Variants in DOCK4 observed in about 807,000 individuals in gnomAD.
DOCK4 encodes the protein dedicator of cytokinesis protein 4.
A neutral mutation model predicts 268.1 loss-of-function variants in DOCK4; 97 were observed. The observed-to-expected ratio is 0.36, with a 90% CI of 0.31 to 0.43. The LOEUF is 0.43. DOCK4 is among the 20% of genes least tolerant of loss of function. The pLI is 1.00. For missense variants in DOCK4, 2,145 were observed against 2,455.7 expected (o/e 0.87, Z 2.67); for synonymous variants, 954 against 887.2 (o/e 1.08, Z -1.34).
At chr7:112,132,529 G>A (rs1195559763) in intron 1 of DOCK4, among the ~76,000 whole-genome samples, 1 of 152,004 alleles carries the variant, frequency 6.6e-6, no homozygotes, top group Non-Finnish European at 1.5e-5. Flanking sequence ...TTGATGGCAT[G>A]CCTGCCCTGA....
Position 111,767,131 on chromosome 7 carries a change from G to T in DOCK4, c.3829-13C>A, listed in dbSNP as rs762552905. 3 of 1,605,726 alleles carry T rather than the reference G, an allele frequency of 1.9e-6. No individual in the cohort carries two copies. The South Asian group carries it at 3.3e-5, about 18-fold the overall frequency. ...CATTCTCCCAACACTGTGGACAAAT[G>T]AATGAGATCAATGGAACCATCTGAC... is the stretch of plus-strand genomic sequence containing the variant. On this transcript the variant is annotated splice_polypyrimidine_tract_variant and intron_variant, in intron 37 of 52. Transcript: ENST00000428084.
intron 17 of DOCK4, among the ~76,000 whole-genome samples, chr7:111,876,538 A>T (rs1165860486): frequency 6.6e-6 from 1 of 152,202 alleles, no homozygotes; most frequent in East Asian, 1.9e-4. Context: ...TACTTCCTTC[A>T]TTACAGAAGA....
At chr7:111,762,777 T>TTTTTTTTTTTTTTC (rs1797529979) in intron 39 of DOCK4, among the ~76,000 whole-genome samples, 2 of 131,470 alleles carry the variant, frequency 1.5e-5, no homozygotes, top group African/African-American at 5.6e-5. Flanking sequence ...TTTTTTTTTT[T>TTTTTTTTTTTTTTC]TTTTTTTTTG....
intron 1 of DOCK4, among the ~76,000 whole-genome samples, chr7:112,173,743 C>A (rs1335922405): frequency 6.6e-6 from 1 of 152,148 alleles, no homozygotes; most frequent in Non-Finnish European, 1.5e-5. Flanking sequence ...CAGGTGCTAG[C>A]CCAGCAAAAC....
At chr7:112,045,819 C>T (rs1804776831) in intron 1 of DOCK4, among the ~76,000 whole-genome samples, 1 of 152,144 alleles carries the variant, frequency 6.6e-6, no homozygotes, top group African/African-American at 2.4e-5. Context: ...TCATCAAAAG[C>T]AAAGCCATAG....
chr7:112,003,773 T>C (rs1800631668), intron 2 of DOCK4, among the ~76,000 whole-genome samples: 1 of 152,180 alleles, frequency 6.6e-6, no homozygotes, highest in African/African-American at 2.4e-5. Context: ...ACCTTCTAGT[T>C]TGGCACTGAG....
chr7:111,905,900 C>G (rs911853601), intron 13 of DOCK4, among the ~76,000 whole-genome samples: 16 of 152,240 alleles, frequency 1.1e-4, no homozygotes, highest in Admixed American at 7.2e-4. Flanking sequence ...GCAACAGCAG[C>G]AGCAGTACAC....
chr7:111,934,999 T>C (rs889625454), intron 12 of DOCK4, among the ~76,000 whole-genome samples: 3 of 151,546 alleles, frequency 2.0e-5, no homozygotes, highest in Admixed American at 6.6e-5. Flanking sequence ...CAGGCTGGAG[T>C]GCAATGGCAC....
chr7:111,767,213 C>G (rs1237242160), intron 37 of DOCK4, 95 bp from the exon 38 acceptor site: 2 of 940,176 alleles, frequency 2.1e-6, no homozygotes, highest in Non-Finnish European at 3.2e-6. Context: ...GAGCACCAAG[C>G]CTTACTCCTT....
intron 8 of DOCK4, among the ~76,000 whole-genome samples, chr7:111,950,618 C>T (rs1222197226): frequency 6.6e-6 from 1 of 152,102 alleles, no homozygotes; most frequent in Non-Finnish European, 1.5e-5. Flanking sequence ...AATAGAATAA[C>T]ACTCAAATAA....
In DOCK4 at chr7:111,983,835, T is replaced by TAC. The variant is rs1203628305; in HGVS notation, c.549+469_549+470dup. 9.1e-3 allele frequency among the ~76,000 whole-genome samples: 1,028 copies of TAC among 113,252 alleles called. 21 individuals carry two copies. Among genetic ancestry groups the TAC allele is most frequent in the African/African-American group, 0.035 (928 of 26,774 alleles). The allele number at this position is 113,252 out of a possible 152,430, so 74.3% of individuals were successfully genotyped here. A position where few individuals can be genotyped will look rare whatever the true frequency, so the allele number is the denominator to read the frequency against. ...GGTGTATATAGTGCTATTATGTATG[T>TAC]ACACACACACGCGCGCGCGCGCGCG... is the stretch of plus-strand genomic sequence containing the variant. On this transcript the variant is annotated intron_variant, in intron 7 of 52. Coordinates refer to ENST00000428084, the MANE Select transcript of DOCK4 (RefSeq NM_001363540.2).
chr7:111,849,638 C>T (rs1804391886), intron 23 of DOCK4, among the ~76,000 whole-genome samples: 1 of 152,104 alleles, frequency 6.6e-6, no homozygotes, highest in Non-Finnish European at 1.5e-5. Flanking sequence ...AAGTAAGGCA[C>T]CAAAATGCTA....
chr7:111,765,071 T>C (rs1223081642), intron 39 of DOCK4, 47 bp downstream of exon 39: 2 of 859,014 alleles, frequency 2.3e-6, no homozygotes, highest in Non-Finnish European at 3.4e-6. Context: ...TTGATTGGGA[T>C]ATCTATATGA....
chr7:111,786,173 T>C (rs1799150174), intron 32 of DOCK4, among the ~76,000 whole-genome samples: 1 of 152,180 alleles, frequency 6.6e-6, no homozygotes, highest in African/African-American at 2.4e-5. Flanking sequence ...GGAGTCTTAT[T>C]GAATTATTTA....
intron 1 of DOCK4, among the ~76,000 whole-genome samples, chr7:112,079,494 T>G (rs1032083873): frequency 6.6e-6 from 1 of 152,160 alleles, no homozygotes; most frequent in African/African-American, 2.4e-5. Context: ...ATATGATCTA[T>G]GAAGTATACT....
At chr7:111,747,757 GTTTTT>G (rs11290053) in intron 42 of DOCK4, among the ~76,000 whole-genome samples, 1 of 151,300 alleles carries the variant, frequency 6.6e-6, no homozygotes, top group Non-Finnish European at 1.5e-5. Flanking sequence ...TTTAAAACTA[GTTTTT>G]TTTTTCTTTT....
Position 111,900,535 on chromosome 7 carries a change from T to C in DOCK4, c.1319A>G (p.Asp440Gly), listed in dbSNP as rs1791052419. 1.2e-6 allele frequency: 2 copies of C among 1,609,014 alleles called. No homozygotes were observed. The highest frequency in any genetic ancestry group is 1.7e-6 in the Non-Finnish European group (2 of 1,177,936). Reference sequence around the variant, plus strand: ...CTCCCCAGAGCCGAAGGAGATAAAATCCTAACAAAGGGAAGAACACACAGG... The same window carrying C: ...CTCCCCAGAGCCGAAGGAGATAAAACCCTAACAAAGGGAAGAACACACAGG... Reference protein sequence around the residue: ...IVDSSGQTLKDFISFGSGEPP... With the variant: ...IVDSSGQTLKGFISFGSGEPP... Residue 440 changes from aspartate (D) to glycine (G), a missense_variant and splice_region_variant, in exon 15 of 53, where the codon GAT (aspartate) becomes GGT (glycine). By Grantham distance (94) the Asp-to-Gly change is moderately conservative. Coordinates refer to ENST00000428084, the MANE Select transcript of DOCK4 (RefSeq NM_001363540.2).
chr7:111,818,398 A>G (rs1264053161), intron 27 of DOCK4, among the ~76,000 whole-genome samples: 1 of 151,870 alleles, frequency 6.6e-6, no homozygotes, highest in Non-Finnish European at 1.5e-5. Context: ...CTCATCCCCA[A>G]TGCTACTCCT....
intron 1 of DOCK4, among the ~76,000 whole-genome samples, chr7:112,004,512 G>A (rs1223856291): frequency 6.6e-6 from 1 of 152,262 alleles, no homozygotes; most frequent in Admixed American, 6.5e-5. Flanking sequence ...ATAAATATGT[G>A]TTCAATAATA....
Sources: allele counts gnomAD v4.1 joint callset (sites outside exome capture counted in the v4.1 genomes callset), GRCh38; gene constraint gnomAD v4.1.1; transcripts MANE v1.5; gene names NCBI Gene and HGNC (gene_info 2026-07-23, HGNC 2026-07-21).